Variants in FBXW7 observed in about 807,000 individuals in gnomAD.
FBXW7 encodes F-box and WD repeat domain containing 7, also known as F-box/WD repeat-containing protein 7.
FBXW7 carries 11 observed loss-of-function variants against 86.3 expected under a neutral mutation model. The observed-to-expected ratio is 0.13, with a 90% CI of 0.08 to 0.21. The LOEUF (loss-of-function observed/expected upper bound fraction) is 0.21. Ranked by LOEUF, FBXW7 falls within the 10% of genes least tolerant of loss-of-function variation. The pLI is 1.00. For missense variants in FBXW7, 488 were observed against 847.4 expected, an observed-to-expected ratio of 0.58 and a Z score of 5.27; for synonymous variants, 313 against 297.9, an observed-to-expected ratio of 1.05 and a Z score of -0.52.
At chr4:152,484,949 G>A (rs540590804) in intron 2 of FBXW7, among the ~76,000 whole-genome samples, 53 of 131,962 alleles carry the variant, frequency 4.0e-4, no homozygotes, top group Middle Eastern at 9.5e-3. Context: ...GTGACAGAGC[G>A]AGACTCTGTC....
At chr4:152,442,102 A>G (rs1265966038) in intron 2 of FBXW7, among the ~76,000 whole-genome samples, 1 of 152,224 alleles carries the variant, frequency 6.6e-6, no homozygotes, top group Admixed American at 6.5e-5. Flanking sequence ...GATATTGCTT[A>G]TAATATATTA....
intron 2 of FBXW7, among the ~76,000 whole-genome samples, chr4:152,421,973 T>C (rs1000930826): frequency 2.0e-5 from 3 of 152,084 alleles, no homozygotes; most frequent in African/African-American, 7.2e-5. Context: ...TGAAAAAGAT[T>C]GAAATATTGC....
chr4:152,356,923 A>C (rs1560799548), intron 4 of FBXW7, among the ~76,000 whole-genome samples: 2 of 152,222 alleles, frequency 1.3e-5, no homozygotes, highest in South Asian at 4.1e-4. Context: ...AATATTATAT[A>C]CATCAATTGA....
intron 2 of FBXW7, among the ~76,000 whole-genome samples, chr4:152,455,741 G>A (rs1742338910): frequency 6.6e-6 from 1 of 152,082 alleles, no homozygotes; most frequent in Admixed American, 6.5e-5. Context: ...ATTATCTCAT[G>A]GCCTTAGCTC....
At chr4:152,374,070 C>T (rs1313674250) in intron 4 of FBXW7, among the ~76,000 whole-genome samples, 1 of 151,964 alleles carries the variant, frequency 6.6e-6, no homozygotes, top group Non-Finnish European at 1.5e-5. Flanking sequence ...TTTATATTTT[C>T]CAAGTACCAA....
intron 6 of FBXW7, among the ~76,000 whole-genome samples, chr4:152,339,858 G>A (rs893094580): frequency 6.9e-5 from 10 of 145,870 alleles, no homozygotes; most frequent in African/African-American, 2.3e-4. Context: ...AGGAGGTCAA[G>A]TCTGCAACGA....
intron 2 of FBXW7, among the ~76,000 whole-genome samples, chr4:152,447,087 T>C (rs1741470348): frequency 6.6e-6 from 1 of 152,240 alleles, no homozygotes; most frequent in Admixed American, 6.5e-5. Context: ...GATAATATTT[T>C]CAACTTTCTA....
chr4:152,487,351 A>G (rs1348143206), intron 2 of FBXW7, among the ~76,000 whole-genome samples: 1 of 152,108 alleles, frequency 6.6e-6, no homozygotes, highest in East Asian at 1.9e-4. Flanking sequence ...ATCAAACTAA[A>G]CATCATAAAT....
chr4:152,332,546 C>T, intron 8 of FBXW7, 50 bp downstream of exon 8: 1 of 1,432,012 alleles, frequency 7.0e-7, no homozygotes, highest in South Asian at 1.4e-5. Flanking sequence ...TTCAGAATCA[C>T]TCTGCTTTTC....
chr4:152,366,289 AT>A (rs1315474542), intron 4 of FBXW7, among the ~76,000 whole-genome samples: 3 of 152,190 alleles, frequency 2.0e-5, no homozygotes, highest in Non-Finnish European at 4.4e-5. Flanking sequence ...TTGATGAGCA[AT>A]AAAAATGCAA....
chr4:152,517,941 A>T (rs1206648931), intron 2 of FBXW7, among the ~76,000 whole-genome samples: 1 of 152,104 alleles, frequency 6.6e-6, no homozygotes, highest in Non-Finnish European at 1.5e-5. Context: ...AGTTCCACTT[A>T]GGCATTTTTA....
intron 4 of FBXW7, among the ~76,000 whole-genome samples, chr4:152,395,412 G>A (rs1010596714): frequency 5.9e-5 from 9 of 151,816 alleles, no homozygotes; most frequent in Non-Finnish European, 1.5e-5. Context: ...TCATGACCTT[G>A]CCCTCATATT....
At chr4:152,423,565 T>C (rs1739129841) in intron 2 of FBXW7, among the ~76,000 whole-genome samples, 1 of 152,182 alleles carries the variant, frequency 6.6e-6, no homozygotes, top group Admixed American at 6.5e-5. Flanking sequence ...CCACCATACC[T>C]CTAATGTCCA....
In FBXW7 at chr4:152,397,695, C is replaced by CAAAAAAAAAA. The variant is rs397995836; in HGVS notation, c.501+13598_501+13607dup. Among the ~76,000 whole-genome samples the CAAAAAAAAAA allele has an allele frequency of 2.4e-3, 144 of 60,366 alleles. 3 individuals are homozygous for CAAAAAAAAAA. Among genetic ancestry groups the CAAAAAAAAAA allele is most frequent in the African/African-American group, 7.3e-3 (132 of 18,012 alleles). 39.6% of individuals were successfully genotyped at this position (60,366 alleles called of 152,430 possible). A position where few individuals can be genotyped will look rare whatever the true frequency, so the allele number is the denominator to read the frequency against. On this transcript the variant is annotated intron_variant, in intron 4 of 13. Transcript: ENST00000281708. Reference sequence around the variant, plus strand: ...TTCTCATTTCTTTACCCTAAGAAGCCAAAAAAAAAAAAAAAAAAAAAAAAA... The same window carrying CAAAAAAAAAA: ...TTCTCATTTCTTTACCCTAAGAAGCCAAAAAAAAAAAAAAAAAAAAAAAAAAAAAAAAAAA...
At chr4:152,357,724 A>G (rs1011339845) in intron 4 of FBXW7, among the ~76,000 whole-genome samples, 4 of 152,168 alleles carry the variant, frequency 2.6e-5, no homozygotes, top group African/African-American at 9.7e-5. Context: ...TAGTTCCAAC[A>G]GTGTAAGTTT....
intron 2 of FBXW7, chr4:152,489,283 A>G (rs986441671): frequency 3.2e-5 from 5 of 154,644 alleles, no homozygotes; most frequent in African/African-American, 4.8e-5. Flanking sequence ...TTAAAAGGCT[A>G]TAAGAAGTAG....
rs142775014 is a variant in FBXW7, at chr4:152,343,120, A to G, written c.726+3810T>C. Among the ~76,000 whole-genome samples, 864 of 152,314 alleles carry G rather than the reference A, an allele frequency of 5.7e-3. 12 individuals carry two copies. The highest frequency in any genetic ancestry group is 0.019 in the African/African-American group (801 of 41,584). On this transcript the variant is annotated intron_variant, in intron 6 of 13. Transcript: ENST00000281708. ...TGGAGAAGTTTTTTCTCCATTTTTAATATCAAAACACATGTATTTTATACT... is the reference window on the plus strand; with the variant it reads ...TGGAGAAGTTTTTTCTCCATTTTTAGTATCAAAACACATGTATTTTATACT...
rs1728558736 is a variant in FBXW7, at chr4:152,321,524, G to A, written c.*1357C>T. On this transcript the variant is annotated 3_prime_UTR_variant, in exon 14 of 14. Transcript: ENST00000281708. ...CAGTTCAGCTTGAGTTGTGGCTCTT[G>A]GAGAATGAGGCAAACCATTTGACTG... The A allele has an allele frequency of 1.3e-5, 3 of 232,952 alleles. No individual in the cohort carries two copies. The allele number at this position is 232,952 out of a possible 1,614,324, so 14.4% of individuals were successfully genotyped here.
intron 4 of FBXW7, among the ~76,000 whole-genome samples, chr4:152,366,017 CCT>C: frequency 6.6e-6 from 1 of 152,068 alleles, no homozygotes; most frequent in East Asian, 1.9e-4. Context: ...CAAGACATAC[CCT>C]AATCAACAAT....
Sources: gnomAD v4.1 joint callset for allele counts (sites outside exome capture counted in the v4.1 genomes callset) on GRCh38, gnomAD v4.1.1 for gene constraint, MANE v1.5 for transcripts, NCBI Gene and HGNC (gene_info 2026-07-23, HGNC 2026-07-21) for gene names.